PIEZO2: variants seen among roughly 807,000 people sequenced by gnomAD.
PIEZO2 encodes the protein piezo type mechanosensitive ion channel component 2.
A neutral mutation model predicts 337.3 loss-of-function variants in PIEZO2; 172 were observed. The observed-to-expected ratio is 0.51, with a 90% CI of 0.45 to 0.58. The LOEUF is 0.58. Ranked by LOEUF, PIEZO2 falls within the 20% of genes least tolerant of loss-of-function variation. The probability of loss-of-function intolerance (pLI) is 0.00; values close to 1 mark genes in which losing one functional copy is unlikely to be tolerated. For synonymous variants in PIEZO2, 1,251 were observed against 1,228.5 expected (o/e 1.02, Z -0.38); for missense variants, 3,028 against 3,391.3 (o/e 0.89, Z 2.66).
Position 10,677,747 on chromosome 18 carries a change from A to G in PIEZO2, c.8081T>C (p.Val2694Ala), listed in dbSNP as rs1350357231. ...GNSTESSKTP[V>A]TIEKIYPYYV... ...TATTAGTAGGAAAAAATACACTTAC[A>G]CTGGTGTTTTTGAACTTTCTGTGCT... The change falls in exon 53 of 56, where the codon GTG becomes GCG. Residue 2694 changes from valine (V) to alanine (A), a missense_variant and splice_region_variant. Coordinates refer to ENST00000674853, the MANE Select transcript of PIEZO2 (RefSeq NM_001378183.1). The surrounding 1 kb of genome is among the most constrained non-coding windows in gnomAD (Gnocchi z 4.1). 6.2e-7 allele frequency: 1 copy of G among 1,608,424 alleles called. No homozygotes were observed. The highest frequency in any genetic ancestry group is 1.3e-5 in the African/African-American group (1 of 74,644).
At chr18:10,865,217 A>T (rs1286585508) in intron 5 of PIEZO2, among the ~76,000 whole-genome samples, 1 of 152,222 alleles carries the variant, frequency 6.6e-6, no homozygotes, top group Non-Finnish European at 1.5e-5. Flanking sequence ...CATCAAGGTC[A>T]AGAGACTGAA....
chr18:11,084,725 A>G (rs1568360434), intron 1 of PIEZO2, among the ~76,000 whole-genome samples: 2 of 152,234 alleles, frequency 1.3e-5, no homozygotes, highest in Non-Finnish European at 1.5e-5. Flanking sequence ...ACATCATCCC[A>G]CCAGCACATT....
intron 1 of PIEZO2, among the ~76,000 whole-genome samples, chr18:11,067,142 C>G (rs2038180774): frequency 6.6e-6 from 1 of 151,922 alleles, no homozygotes; most frequent in Non-Finnish European, 1.5e-5. Flanking sequence ...CAGAAAATAA[C>G]AAACAAAATG....
rs1470127289 is a variant in PIEZO2 at position 10,830,040 on chromosome 18, G to A, written c.918-22766C>T. ...TGGAGGAATCACATTACCTCACTTC[G>A]AATTATACTACAGAGCTCTAGTAAC... On this transcript the variant is annotated intron_variant, in intron 7 of 55. Coordinates refer to ENST00000674853, the MANE Select transcript of PIEZO2 (RefSeq NM_001378183.1). The surrounding 1 kb of genome is among the most constrained non-coding windows in gnomAD (Gnocchi z 4.7). Among the ~76,000 whole-genome samples the A allele has an allele frequency of 5.3e-5, 8 of 151,794 alleles. No individual in the cohort carries two copies. The highest frequency in any genetic ancestry group is 2.1e-4 in the South Asian group (1 of 4,812).
At chr18:10,689,893 T>C in intron 48 of PIEZO2, 91 bp from the exon 49 acceptor site, 1 of 1,450,552 alleles carries the variant, frequency 6.9e-7, no homozygotes, top group Admixed American at 2.4e-5. Context: ...CTTAACTGCT[T>C]TAACCTCATG....
chr18:10,752,478 A>G (rs566438854), intron 28 of PIEZO2, among the ~76,000 whole-genome samples, 158 bp downstream of exon 28: 1 of 152,378 alleles, frequency 6.6e-6, no homozygotes, highest in Non-Finnish European at 1.5e-5. Flanking sequence ...GTGGCAAGAC[A>G]GAGAGAAATA....
At position 10,951,365 on chromosome 18, in the gene PIEZO2, G is replaced by T. The variant is rs542670008; in HGVS notation, c.286+28170C>A. Among the ~76,000 whole-genome samples, 3 of 152,300 alleles carry T rather than the reference G, an allele frequency of 2.0e-5. No homozygotes were observed. In the South Asian group the frequency reaches 6.2e-4, roughly 32 times the overall value. ...ATCCCAAATGAAATCTGACGATTAA[G>T]TTGAGGGATTCATCTCTACATATTT... On this transcript the variant is annotated intron_variant, in intron 3 of 55. Transcript: ENST00000674853.
chr18:11,108,165 C>G (rs1006992867), intron 1 of PIEZO2, among the ~76,000 whole-genome samples: 4 of 152,058 alleles, frequency 2.6e-5, no homozygotes, highest in African/African-American at 9.7e-5. Context: ...TGCATTCATT[C>G]AAGAAAGAAA....
At chr18:11,068,285 A>G (rs1481544643) in intron 1 of PIEZO2, among the ~76,000 whole-genome samples, 3 of 152,214 alleles carry the variant, frequency 2.0e-5, no homozygotes, top group Non-Finnish European at 4.4e-5. Context: ...AGGTCACAAA[A>G]TAAGTCTCAA....
chr18:10,802,042 C>T (rs1173539578), intron 9 of PIEZO2, among the ~76,000 whole-genome samples: 1 of 146,582 alleles, frequency 6.8e-6, no homozygotes, highest in Admixed American at 6.9e-5. Flanking sequence ...GCCGAGATCC[C>T]GCCACTGCAC....
chr18:10,722,975 T>C (rs2036383619), intron 36 of PIEZO2, among the ~76,000 whole-genome samples: 1 of 148,266 alleles, frequency 6.7e-6, no homozygotes, highest in African/African-American at 2.5e-5. Flanking sequence ...TTTTTTTTTT[T>C]TTTTTTTTTG....
intron 4 of PIEZO2, among the ~76,000 whole-genome samples, chr18:10,876,193 T>C (rs780868122): frequency 6.6e-6 from 1 of 152,170 alleles, no homozygotes; most frequent in Non-Finnish European, 1.5e-5. Context: ...ATGCATTCCA[T>C]TAAAACAAAA....
Position 10,863,406 on chromosome 18 carries a change from C to T in PIEZO2, c.493-6195G>A, listed in dbSNP as rs977318127. 7.2e-5 allele frequency among the ~76,000 whole-genome samples: 11 copies of T among 152,294 alleles called. No individual in the cohort carries two copies. The East Asian group carries it at 2.1e-3, about 29-fold the overall frequency. ...ATTTGTTTTGGGAAGATTATTCTTC[C>T]AAACTCCTAAGATCAGCTTAAGCAG... On this transcript the variant is annotated intron_variant, in intron 5 of 55. Transcript: ENST00000674853. The surrounding 1 kb of genome is among the most constrained non-coding windows in gnomAD (Gnocchi z 4.3).
chr18:10,795,006 C>T lies in PIEZO2; in HGVS notation c.1528-4G>A. The T allele has an allele frequency of 1.9e-6, 3 of 1,546,420 alleles. No homozygotes were observed. Among genetic ancestry groups the T allele is most frequent in the East Asian group, 2.4e-5 (1 of 40,910 alleles). ...TGTGATAGGTGATGCTCCAGGCCTC[C>T]GGAGGACAGAAAAGGAAACACGACC... On this transcript the variant is annotated splice_region_variant and splice_polypyrimidine_tract_variant and intron_variant, in intron 12 of 55. Coordinates refer to ENST00000674853, the MANE Select transcript of PIEZO2 (RefSeq NM_001378183.1). This position sits in a 1 kb window ranked among gnomAD's most constrained non-coding sequence, Gnocchi z 4.4.
At chr18:11,065,917 A>C (rs1375018116) in intron 2 of PIEZO2, among the ~76,000 whole-genome samples, 1 of 152,236 alleles carries the variant, frequency 6.6e-6, no homozygotes, top group Admixed American at 6.5e-5. Context: ...GGAATTTGTT[A>C]ACTGTGTAAG....
In PIEZO2 at chr18:10,969,556, A is replaced by C. The variant is rs1175801312; in HGVS notation, c.286+9979T>G. On this transcript the variant is annotated intron_variant, in intron 3 of 55. Coordinates refer to ENST00000674853, the MANE Select transcript of PIEZO2 (RefSeq NM_001378183.1). The surrounding 1 kb of genome is among the most constrained non-coding windows in gnomAD (Gnocchi z 4.5). ...TTTCTCATTTATGGTTTTCTGTCTT[A>C]ATTTTCCCAAATCCAAATGGAAATC... Among the ~76,000 whole-genome samples the C allele has an allele frequency of 6.6e-6, 1 of 152,248 alleles. No homozygotes were observed. Among genetic ancestry groups the C allele is most frequent in the East Asian group, 1.9e-4 (1 of 5,184 alleles).
intron 3 of PIEZO2, among the ~76,000 whole-genome samples, chr18:10,931,227 G>T (rs7231558): frequency 3.3e-5 from 5 of 151,632 alleles, no homozygotes; most frequent in African/African-American, 1.2e-4. Flanking sequence ...ACGGAGTCTC[G>T]CTCTGTTTGT....
intron 16 of PIEZO2, among the ~76,000 whole-genome samples, chr18:10,785,849 A>C (rs770779736): frequency 1.7e-4 from 26 of 152,148 alleles, no homozygotes; most frequent in Non-Finnish European, 2.6e-4. Context: ...TAGTCAAGGG[A>C]TCTTTAAAGA....
At chr18:10,731,993 A>G (rs2036806640) in intron 35 of PIEZO2, among the ~76,000 whole-genome samples, 1 of 152,214 alleles carries the variant, frequency 6.6e-6, no homozygotes, top group Admixed American at 6.5e-5. Context: ...AATAGCTATT[A>G]CCAATGACTT....
Sources: allele counts gnomAD v4.1 joint callset (sites outside exome capture counted in the v4.1 genomes callset), GRCh38; gene constraint gnomAD v4.1.1; non-coding constraint Gnocchi (gnomAD v3.1); transcripts MANE v1.5; gene names NCBI Gene and HGNC (gene_info 2026-07-23, HGNC 2026-07-21).